The following EXOC4 variants were observed in gnomAD, a reference collection of about 807,000 sequenced individuals.
The protein encoded by EXOC4 is exocyst complex component 4.
In EXOC4, 71 loss-of-function variants were observed where a neutral mutation model predicts 107.2. The ratio of observed to expected loss-of-function variants is 0.66; its 90% CI spans 0.55 to 0.81. The LOEUF (loss-of-function observed/expected upper bound fraction) is 0.81. Ranked by LOEUF, EXOC4 falls within the 30% of genes least tolerant of loss-of-function variation. The pLI, the probability that EXOC4 is intolerant of heterozygous loss-of-function variation, is 0.00. For missense variants in EXOC4, 1,108 were observed against 1,189.6 expected (o/e 0.93, Z 1.01); for synonymous variants, 456 against 441.2 (o/e 1.03, Z -0.42).
At chr7:133,528,159 G>A (rs536033598) in intron 9 of EXOC4, among the ~76,000 whole-genome samples, 4 of 152,228 alleles carry the variant, frequency 2.6e-5, no homozygotes, top group African/African-American at 7.2e-5. Context: ...AATGACAGGT[G>A]GTATCTATGT....
chr7:133,896,003 T>C (rs1401100049), intron 12 of EXOC4, among the ~76,000 whole-genome samples: 1 of 152,204 alleles, frequency 6.6e-6, no homozygotes, highest in African/African-American at 2.4e-5. Context: ...AAACCTAGAA[T>C]GATAAGATCA....
chr7:133,995,052 C>A (rs1794354877), intron 14 of EXOC4, among the ~76,000 whole-genome samples: 2 of 152,096 alleles, frequency 1.3e-5, no homozygotes, highest in East Asian at 1.9e-4. Flanking sequence ...AAAATGTTAT[C>A]TTTTTGCCAT....
At chr7:133,644,738 A>G (rs1445739774) in intron 10 of EXOC4, among the ~76,000 whole-genome samples, 1 of 152,108 alleles carries the variant, frequency 6.6e-6, no homozygotes, top group Non-Finnish European at 1.5e-5. Flanking sequence ...AGCCATTCCC[A>G]GGTACTCCAT....
intron 11 of EXOC4, among the ~76,000 whole-genome samples, chr7:133,862,123 A>G (rs1186390585): frequency 6.6e-6 from 1 of 150,648 alleles, no homozygotes; most frequent in Non-Finnish European, 1.5e-5. Flanking sequence ...TTATATCAGC[A>G]CTGGCTCATA....
chr7:133,573,193 A>T (rs796224965), intron 9 of EXOC4, among the ~76,000 whole-genome samples: 1 of 152,334 alleles, frequency 6.6e-6, no homozygotes, highest in South Asian at 2.1e-4. Flanking sequence ...AAAAAATACT[A>T]ATCTGTGATA....
chr7:133,821,790 G>C (rs977754114), intron 11 of EXOC4, among the ~76,000 whole-genome samples: 1 of 152,180 alleles, frequency 6.6e-6, no homozygotes, highest in African/African-American at 2.4e-5. Context: ...ATGTGTTACA[G>C]TTGGGTCTCT....
At chr7:133,913,588 T>C (rs142788565) in intron 12 of EXOC4, among the ~76,000 whole-genome samples, 1 of 152,038 alleles carries the variant, frequency 6.6e-6, no homozygotes, top group African/African-American at 2.4e-5. Context: ...CATTCCTGAG[T>C]TGAATAACAG....
intron 14 of EXOC4, among the ~76,000 whole-genome samples, chr7:133,981,551 A>G (rs1793979019): frequency 6.6e-6 from 1 of 152,174 alleles, no homozygotes; most frequent in Admixed American, 6.5e-5. Context: ...ACAATGAGAT[A>G]CCATCTCACA....
intron 9 of EXOC4, among the ~76,000 whole-genome samples, chr7:133,548,318 A>G (rs777408616): frequency 6.6e-6 from 1 of 152,138 alleles, no homozygotes; most frequent in African/African-American, 2.4e-5. Context: ...TAGATTTAGC[A>G]TAATTCTTGG....
intron 11 of EXOC4, among the ~76,000 whole-genome samples, chr7:133,829,643 T>C (rs1377813485): frequency 2.0e-5 from 3 of 152,264 alleles, no homozygotes; most frequent in South Asian, 2.1e-4. Flanking sequence ...TCTGAATCTC[T>C]GTGAGGGTGT....
chr7:133,620,020 T>C (rs1324646148), intron 9 of EXOC4, among the ~76,000 whole-genome samples: 1 of 151,158 alleles, frequency 6.6e-6, no homozygotes, highest in Non-Finnish European at 1.5e-5. Flanking sequence ...TTGTTTTTTT[T>C]TGTTGTTGTT....
rs78678758 is a variant in EXOC4, at chr7:133,293,893, G to A, written c.471+4777G>A. ...TAGCCTGTAGCTTTGTGATATGTACGGTTTAAATTAGACCTTTGCAGTCAT... is the reference window on the plus strand; with the variant it reads ...TAGCCTGTAGCTTTGTGATATGTACAGTTTAAATTAGACCTTTGCAGTCAT... On this transcript the variant is annotated intron_variant, in intron 3 of 17. Coordinates refer to ENST00000253861, the MANE Select transcript of EXOC4 (RefSeq NM_021807.4). 7.5e-3 allele frequency among the ~76,000 whole-genome samples: 1,139 copies of A among 152,208 alleles called. 6 individuals are homozygous for A. Among genetic ancestry groups the A allele is most frequent in the Non-Finnish European group, 0.013 (884 of 68,006 alleles).
At chr7:133,425,140 CTTCAGGGGATAGGGAGATGTTGG>C (rs1441434858) in intron 7 of EXOC4, among the ~76,000 whole-genome samples, 5 of 152,122 alleles carry the variant, frequency 3.3e-5, no homozygotes, top group Admixed American at 6.5e-5. Context: ...GCCATGGAAG[CTTCAGGGGATAGGGAGATGTTGG>C]TAGGGAGTTG....
intron 9 of EXOC4, 62 bp downstream of exon 9, chr7:133,480,200 A>G: frequency 1.3e-6 from 2 of 1,589,966 alleles, no homozygotes; most frequent in African/African-American, 2.7e-5. Context: ...TTTATTACAC[A>G]TGAGTTTGTG....
chr7:133,899,000 A>G (rs1799389049), intron 12 of EXOC4, among the ~76,000 whole-genome samples: 1 of 151,802 alleles, frequency 6.6e-6, no homozygotes. Context: ...ATAAAAATAA[A>G]ACTTAAATAT....
At chr7:133,821,504 TTGTC>T (rs1157780227) in intron 11 of EXOC4, among the ~76,000 whole-genome samples, 3 of 152,328 alleles carry the variant, frequency 2.0e-5, no homozygotes, top group Non-Finnish European at 4.4e-5. Context: ...CATTTTGACA[TTGTC>T]TGTTGAATCC....
intron 5 of EXOC4, among the ~76,000 whole-genome samples, chr7:133,319,396 T>C (rs1425798428): frequency 6.6e-6 from 1 of 152,220 alleles, no homozygotes; most frequent in Admixed American, 6.5e-5. Context: ...ATTTTGGTAT[T>C]ATTAGGAATT....
intron 7 of EXOC4, among the ~76,000 whole-genome samples, chr7:133,436,523 T>C (rs1002832819): frequency 6.6e-6 from 1 of 152,040 alleles, no homozygotes; most frequent in East Asian, 1.9e-4. Context: ...AACCCTAATA[T>C]TATCCATATC....
chr7:133,694,734 G>C (rs532943801), intron 10 of EXOC4, among the ~76,000 whole-genome samples: 3 of 152,264 alleles, frequency 2.0e-5, no homozygotes, highest in South Asian at 4.1e-4. Flanking sequence ...GATTCTTCTA[G>C]CTATTTTGAA....
Sources: gnomAD v4.1 joint callset for allele counts (sites outside exome capture counted in the v4.1 genomes callset) on GRCh38, gnomAD v4.1.1 for gene constraint, MANE v1.5 for transcripts, NCBI Gene and HGNC (gene_info 2026-07-23, HGNC 2026-07-21) for gene names.